HPCAL1: variants seen among roughly 807,000 people sequenced by gnomAD.
The protein encoded by HPCAL1 is hippocalcin like 1, also known as hippocalcin-like protein 1.
Under a neutral mutation model 17.1 loss-of-function variants are expected in HPCAL1, and 8 were observed. That is an observed-to-expected ratio of 0.47 (90% CI 0.27 to 0.84). The LOEUF (loss-of-function observed/expected upper bound fraction) is 0.84. Ranked by LOEUF, HPCAL1 falls within the 40% of genes least tolerant of loss-of-function variation. HPCAL1 has a pLI of 0.13. For missense variants in HPCAL1, 165 were observed against 271.1 expected (o/e 0.61, Z 2.75); for synonymous variants, 112 against 111.4 (o/e 1.01, Z -0.03).
At chr2:10,338,328 G>A (rs1664846406) in intron 1 of HPCAL1, among the ~76,000 whole-genome samples, 1 of 152,110 alleles carries the variant, frequency 6.6e-6, no homozygotes, top group African/African-American at 2.4e-5. Context: ...AACACACAAA[G>A]CAAATTGACA....
At position 10,419,012 on chromosome 2, in the gene HPCAL1, C is replaced by G. The variant is rs557230031; in HGVS notation, c.-24-722C>G. On this transcript the variant is annotated intron_variant, in intron 2 of 4. Transcript: ENST00000307845. The surrounding 1 kb of genome is among the most constrained non-coding windows in gnomAD (Gnocchi z 5.0). ...ATCACCTGAGGTCTGGAGTTCGAGACCAGCCTGGCCAACATGGTGAAACCC... is the reference window on the plus strand; with the variant it reads ...ATCACCTGAGGTCTGGAGTTCGAGAGCAGCCTGGCCAACATGGTGAAACCC... Among the ~76,000 whole-genome samples the G allele has an allele frequency of 5.9e-5, 9 of 152,176 alleles. No homozygotes were observed. The East Asian group carries it at 1.7e-3, about 29-fold the overall frequency.
chr2:10,374,158 T>TC (rs5829258), intron 1 of HPCAL1, among the ~76,000 whole-genome samples: 30,096 of 151,630 alleles, frequency 0.2, 6,608 homozygotes, highest in African/African-American at 0.52. Context: ...GCATCCTAAG[T>TC]CCCCCGAGTC....
chr2:10,324,490 A>AT (rs1191198580), intron 1 of HPCAL1: 9 of 152,168 alleles, frequency 5.9e-5, no homozygotes, highest in Non-Finnish European at 1.2e-4. Context: ...CGCTTTGGGG[A>AT]TAGCCATTGC....
At chr2:10,371,943 A>T (rs1667238137) in intron 1 of HPCAL1, among the ~76,000 whole-genome samples, 1 of 152,186 alleles carries the variant, frequency 6.6e-6, no homozygotes, top group Non-Finnish European at 1.5e-5. Context: ...CGCCTCCTCC[A>T]GGCCCGCCAG....
At chr2:10,341,193 G>A (rs1305795126) in intron 1 of HPCAL1, among the ~76,000 whole-genome samples, 1 of 151,992 alleles carries the variant, frequency 6.6e-6, no homozygotes, top group African/African-American at 2.4e-5. Context: ...CTGGGGTGCT[G>A]GGGTGCCTGT....
intron 1 of HPCAL1, among the ~76,000 whole-genome samples, chr2:10,335,236 C>T (rs1368890929): frequency 6.6e-6 from 1 of 152,210 alleles, no homozygotes; most frequent in Admixed American, 6.5e-5. Context: ...TCACTTCTGA[C>T]ATCAGGTTAT....
At chr2:10,341,505 G>C (rs970695382) in intron 1 of HPCAL1, among the ~76,000 whole-genome samples, 1 of 152,000 alleles carries the variant, frequency 6.6e-6, no homozygotes, top group Non-Finnish European at 1.5e-5. Context: ...TGGAGGTACT[G>C]AGGGCCTTCT....
intron 1 of HPCAL1, among the ~76,000 whole-genome samples, chr2:10,339,569 C>T (rs1664938538): frequency 6.6e-6 from 1 of 152,182 alleles, no homozygotes; most frequent in Non-Finnish European, 1.5e-5. Context: ...GGCTGGTCTT[C>T]AACTCCTGAC....
intron 1 of HPCAL1, among the ~76,000 whole-genome samples, chr2:10,379,802 G>A (rs1667829449): frequency 6.6e-6 from 1 of 152,210 alleles, no homozygotes; most frequent in South Asian, 2.1e-4. Flanking sequence ...GTATAGAGTC[G>A]TCCATTCATG....
At chr2:10,386,920 G>C (rs564874611) in intron 1 of HPCAL1, among the ~76,000 whole-genome samples, 10 of 152,354 alleles carry the variant, frequency 6.6e-5, no homozygotes, top group Admixed American at 3.3e-4. Context: ...CTCTGGGTGA[G>C]AGTTGGTCTC....
chr2:10,416,128 A>G (rs1029375603), intron 2 of HPCAL1, among the ~76,000 whole-genome samples: 5 of 152,208 alleles, frequency 3.3e-5, no homozygotes, highest in African/African-American at 1.2e-4. Flanking sequence ...CCACCACCTC[A>G]GGGCTTAGCG....
Position 10,312,394 on chromosome 2 carries a change from ATCAC to A in HPCAL1, c.-111+9218_-111+9221del, listed in dbSNP as rs371789632. ...CATCACCACCGTCATTGCTGTCATC[ATCAC>A]CATTCACCATCAATGTCGTCATCAC... On this transcript the variant is annotated intron_variant, in intron 1 of 4. Transcript: ENST00000307845. Among the ~76,000 whole-genome samples the A allele has an allele frequency of 3.0e-3, 440 of 148,386 alleles. 5 individuals carry two copies. The highest frequency in any genetic ancestry group is 0.011 in the African/African-American group (420 of 39,844).
In HPCAL1 at chr2:10,362,622, C is replaced by T. The variant is rs551155306; in HGVS notation, c.-110-34213C>T. On this transcript the variant is annotated intron_variant, in intron 1 of 4. Transcript: ENST00000307845. This position sits in a 1 kb window ranked among gnomAD's most constrained non-coding sequence, Gnocchi z 5.0. ...CAGCCTCACCAGGGACATATCAGCC[C>T]CAGGCTGATTATCTGCAGACCGGGA... Among the ~76,000 whole-genome samples, 2 of 152,166 alleles carry T rather than the reference C, an allele frequency of 1.3e-5. No homozygotes were observed. The highest frequency in any genetic ancestry group is 2.4e-5 in the African/African-American group (1 of 41,448).
rs1005720674 is a variant in HPCAL1, at chr2:10,331,313, G to A, written c.-111+28136G>A. Among the ~76,000 whole-genome samples the A allele has an allele frequency of 3.9e-5, 6 of 152,070 alleles. No homozygotes were observed. Among genetic ancestry groups the A allele is most frequent in the Non-Finnish European group, 8.8e-5 (6 of 68,020 alleles). Reference sequence around the variant, plus strand: ...CACAGGCGCCCTTCCTGTCACCCGAGCGCCCTCTCCTTCCTCACCTCGCCA... The same window carrying A: ...CACAGGCGCCCTTCCTGTCACCCGAACGCCCTCTCCTTCCTCACCTCGCCA... On this transcript the variant is annotated intron_variant, in intron 1 of 4. Coordinates refer to ENST00000307845, the MANE Select transcript of HPCAL1 (RefSeq NM_002149.4). This position sits in a 1 kb window ranked among gnomAD's most constrained non-coding sequence, Gnocchi z 5.0.
chr2:10,405,042 CCT>C (rs2125598463), intron 2 of HPCAL1, among the ~76,000 whole-genome samples: 1 of 152,348 alleles, frequency 6.6e-6, no homozygotes, highest in East Asian at 1.9e-4. Flanking sequence ...AGCTGGCACT[CCT>C]TTTACAGATT....
At chr2:10,372,183 G>C (rs1327433490) in intron 1 of HPCAL1, among the ~76,000 whole-genome samples, 1 of 152,186 alleles carries the variant, frequency 6.6e-6, no homozygotes, top group Non-Finnish European at 1.5e-5. Flanking sequence ...CTCAATCGGG[G>C]CTAAAGATCA....
chr2:10,350,960 C>T (rs1410873356), intron 1 of HPCAL1, among the ~76,000 whole-genome samples: 2 of 152,168 alleles, frequency 1.3e-5, no homozygotes, highest in Non-Finnish European at 2.9e-5. Context: ...AACCCTCATA[C>T]GCTGTTGGTA....
intron 1 of HPCAL1, among the ~76,000 whole-genome samples, chr2:10,355,984 C>G (rs1666131088): frequency 6.6e-6 from 1 of 152,154 alleles, no homozygotes; most frequent in Non-Finnish European, 1.5e-5. Context: ...GAACGCTAGT[C>G]ACAGCTCAGT....
intron 1 of HPCAL1, among the ~76,000 whole-genome samples, chr2:10,328,698 T>G (rs889784238): frequency 1.3e-5 from 2 of 152,184 alleles, no homozygotes; most frequent in East Asian, 3.8e-4. Flanking sequence ...GTCTTGCGAC[T>G]CTTCAGCCTC....
Sources: allele counts gnomAD v4.1 joint callset (sites outside exome capture counted in the v4.1 genomes callset), GRCh38; gene constraint gnomAD v4.1.1; non-coding constraint Gnocchi (gnomAD v3.1); transcripts MANE v1.5; gene names NCBI Gene and HGNC (gene_info 2026-07-23, HGNC 2026-07-21).